Variants in CFAP54 observed in about 807,000 individuals in gnomAD.
CFAP54 encodes the protein cilia- and flagella-associated protein 54.
Under a neutral mutation model 370.4 loss-of-function variants are expected in CFAP54, and 290 were observed. The observed-to-expected ratio is 0.78, with a 90% CI of 0.71 to 0.86. CFAP54 has a LOEUF of 0.86. Ranked by LOEUF, CFAP54 falls within the 40% of genes least tolerant of loss-of-function variation. The pLI, the probability that CFAP54 is intolerant of heterozygous loss-of-function variation, is 0.00. For synonymous variants in CFAP54, 1,206 were observed against 1,236.5 expected, an observed-to-expected ratio of 0.98 and a Z score of 0.52; for missense variants, 3,399 against 3,528.7, an observed-to-expected ratio of 0.96 and a Z score of 0.93.
chr12:96,726,170 T>G (rs1957832419), intron 50 of CFAP54, among the ~76,000 whole-genome samples: 1 of 151,300 alleles, frequency 6.6e-6, no homozygotes. Context: ...GGCTTTGGTA[T>G]CAGGATGATG....
intron 60 of CFAP54, among the ~76,000 whole-genome samples, chr12:96,771,386 C>T (rs1056426093): frequency 6.6e-6 from 1 of 152,250 alleles, no homozygotes; most frequent in Non-Finnish European, 1.5e-5. Flanking sequence ...GAAGCAGTGG[C>T]TCACGCCTGT....
intron 66 of CFAP54, among the ~76,000 whole-genome samples, chr12:96,836,578 T>G (rs1352298756): frequency 6.6e-6 from 1 of 152,196 alleles, no homozygotes; most frequent in Non-Finnish European, 1.5e-5. Context: ...TATGCTGTAA[T>G]AAAAAATGCC....
chr12:96,799,519 T>C (rs939319591), intron 63 of CFAP54, among the ~76,000 whole-genome samples: 4 of 152,192 alleles, frequency 2.6e-5, no homozygotes, highest in African/African-American at 9.7e-5. Context: ...CTCTCTTTGT[T>C]CTCCAGCACC....
At chr12:96,581,168 T>A (rs904424436) in intron 22 of CFAP54, 63 bp downstream of exon 22, 1 of 1,114,900 alleles carries the variant, frequency 9.0e-7, no homozygotes, top group Non-Finnish European at 1.2e-6. Flanking sequence ...AGTTATGAAG[T>A]AATTTCTGAT....
intron 65 of CFAP54, among the ~76,000 whole-genome samples, chr12:96,825,918 C>A (rs1959095724): frequency 7.4e-6 from 1 of 135,426 alleles, no homozygotes; most frequent in Non-Finnish European, 1.5e-5. Context: ...AGAATATATT[C>A]ATATATAAAT....
chr12:96,729,485 C>T (rs371202132), intron 50 of CFAP54, among the ~76,000 whole-genome samples: 5 of 152,334 alleles, frequency 3.3e-5, no homozygotes, highest in African/African-American at 1.2e-4. Flanking sequence ...TAGGACCCTC[C>T]GAGCCAGGTG....
At chr12:96,684,499 G>T (rs542584960) in intron 40 of CFAP54, 149 bp from the exon 41 acceptor site, 2 of 612,860 alleles carry the variant, frequency 3.3e-6, no homozygotes, top group Non-Finnish European at 5.8e-6. Flanking sequence ...TATATATATC[G>T]TGTGACATTT....
At position 96,739,955 on chromosome 12, in the gene CFAP54, G is replaced by T; in HGVS notation, c.6966-1G>T. On this transcript the variant is annotated splice_acceptor_variant, in intron 50 of 67. Coordinates refer to ENST00000524981, the MANE Select transcript of CFAP54 (RefSeq NM_001306084.2). LOFTEE classifies it high-confidence loss of function. ...CATTTAAAATATATTTTCTATTTTA[G>T]TGCTGCAATAGTATTTTCTACACTT... 6.8e-7 allele frequency: 1 copy of T among 1,468,544 alleles called. No individual in the cohort carries two copies. The allele number at this position is 1,468,544 out of a possible 1,614,324, so 91.0% of individuals were successfully genotyped here. A position where few individuals can be genotyped will look rare whatever the true frequency, so the allele number is the denominator to read the frequency against.
At chr12:96,708,368 A>G (rs1477781333) in intron 47 of CFAP54, among the ~76,000 whole-genome samples, 2 of 152,146 alleles carry the variant, frequency 1.3e-5, no homozygotes, top group Non-Finnish European at 2.9e-5. Flanking sequence ...CCACGATGGC[A>G]GAGCTGGCCT....
intron 67 of CFAP54, among the ~76,000 whole-genome samples, chr12:96,866,686 G>C (rs1960014442): frequency 1.3e-5 from 2 of 152,022 alleles, no homozygotes; most frequent in African/African-American, 4.8e-5. Context: ...GAATTTATTG[G>C]ACTGATTTCT....
chr12:96,835,865 A>T (rs1270027396), intron 66 of CFAP54, among the ~76,000 whole-genome samples: 1 of 152,178 alleles, frequency 6.6e-6, no homozygotes, highest in Admixed American at 6.5e-5. Context: ...TTCCTGCTGC[A>T]GCTGGTGTGA....
chr12:96,874,779 G>A (rs1400871543), intron 67 of CFAP54, among the ~76,000 whole-genome samples: 1 of 151,604 alleles, frequency 6.6e-6, no homozygotes, highest in South Asian at 2.1e-4. Flanking sequence ...ACAGGCGCCC[G>A]CCACTACGCC....
At chr12:96,741,844 A>G (rs1958055244) in intron 51 of CFAP54, among the ~76,000 whole-genome samples, 2 of 152,200 alleles carry the variant, frequency 1.3e-5, no homozygotes, top group African/African-American at 4.8e-5. Context: ...ACAGTGGATT[A>G]AGACTGTGGA....
chr12:96,544,245 T>G (rs939214104), intron 14 of CFAP54, among the ~76,000 whole-genome samples: 3 of 152,130 alleles, frequency 2.0e-5, no homozygotes, highest in Admixed American at 6.5e-5. Context: ...TCTTATTTCC[T>G]AAGTGACTAA....
At chr12:96,612,783 C>T (rs1350032323) in intron 26 of CFAP54, among the ~76,000 whole-genome samples, 1 of 152,168 alleles carries the variant, frequency 6.6e-6, no homozygotes, top group African/African-American at 2.4e-5. Context: ...AAGACCATTA[C>T]ATAATGGTAA....
intron 66 of CFAP54, among the ~76,000 whole-genome samples, chr12:96,834,081 C>T (rs1175098687): frequency 2.6e-5 from 4 of 152,062 alleles, no homozygotes; most frequent in African/African-American, 9.7e-5. Flanking sequence ...AGGTGTTTTA[C>T]TAGAATAGTG....
chr12:96,680,478 A>G (rs1421010896), intron 40 of CFAP54, among the ~76,000 whole-genome samples: 1 of 152,208 alleles, frequency 6.6e-6, no homozygotes, highest in African/African-American at 2.4e-5. Context: ...CAGAATAATA[A>G]GAATAAATTT....
At chr12:96,501,768 T>G (rs1565876326) in intron 2 of CFAP54, among the ~76,000 whole-genome samples, 1 of 152,196 alleles carries the variant, frequency 6.6e-6, no homozygotes, top group Non-Finnish European at 1.5e-5. Context: ...GGAGACAAAT[T>G]TACCAAATAG....
intron 22 of CFAP54, among the ~76,000 whole-genome samples, chr12:96,582,602 A>G (rs145526890): frequency 6.6e-6 from 1 of 152,292 alleles, no homozygotes; most frequent in African/African-American, 2.4e-5. Flanking sequence ...CCTAATTTGC[A>G]GTGATGGAGT....
Sources: gnomAD v4.1 joint callset for allele counts (sites outside exome capture counted in the v4.1 genomes callset) on GRCh38, gnomAD v4.1.1 for gene constraint, MANE v1.5 for transcripts, NCBI Gene and HGNC (gene_info 2026-07-23, HGNC 2026-07-21) for gene names.